RECQL: variants seen among roughly 807,000 people sequenced by gnomAD.
The protein encoded by RECQL is RecQ like helicase.
In RECQL, 73 loss-of-function variants were observed where a neutral mutation model predicts 75.8. That is an observed-to-expected ratio of 0.96 (90% confidence interval 0.80 to 1.17). The LOEUF is 1.17. Among genes scored for constraint, RECQL ranks in the 50% most tolerant of loss-of-function variants. RECQL has a pLI of 0.00. For synonymous variants in RECQL, 248 were observed against 254.4 expected (o/e 0.97, Z 0.24); for missense variants, 699 against 772.1 (o/e 0.91, Z 1.12).
At chr12:21,477,697 A>G (rs1048506314) in intron 7 of RECQL, 106 bp downstream of exon 7, 12 of 855,170 alleles carry the variant, frequency 1.4e-5, no homozygotes, top group Non-Finnish European at 1.9e-5. Flanking sequence ...AATGTTAAAA[A>G]TTTTTGTAAG....
chr12:21,483,603 A>G, intron 5 of RECQL, 29 bp from the exon 6 acceptor site: 2 of 1,481,522 alleles, frequency 1.3e-6, no homozygotes, highest in Non-Finnish European at 1.8e-6. Flanking sequence ...AGACACAATG[A>G]TAGTAAAACT....
chr12:21,470,383 G>A (rs1234609763), intron 14 of RECQL, 37 bp from the exon 15 acceptor site: 12 of 1,500,204 alleles, frequency 8.0e-6, no homozygotes, highest in Non-Finnish European at 1.1e-5. Flanking sequence ...AAGCACCTTG[G>A]TAAAAATCCA....
chr12:21,484,064 C>T (rs1048630060), intron 5 of RECQL, among the ~76,000 whole-genome samples: 1 of 151,756 alleles, frequency 6.6e-6, no homozygotes, highest in African/African-American at 2.4e-5. Context: ...ATATAAAGAC[C>T]ATGGGGTTTC....
intron 8 of RECQL, among the ~76,000 whole-genome samples, chr12:21,476,386 G>A (rs1441013174): frequency 6.6e-6 from 1 of 151,980 alleles, no homozygotes; most frequent in Non-Finnish European, 1.5e-5. Flanking sequence ...CTATAGAACA[G>A]TTTAAAATGC....
chr12:21,470,182 G>T lies in RECQL; in HGVS notation c.*12C>A, dbSNP rs1255289407. ...AAACCATCTTTAATTAGAAAATTTA[G>T]TAACATTCATATCAGGCATCATCGA... On this transcript the variant is annotated 3_prime_UTR_variant, in exon 15 of 15. Coordinates refer to ENST00000444129, the MANE Select transcript of RECQL (RefSeq NM_002907.4). The T allele has an allele frequency of 1.9e-6, 3 of 1,610,072 alleles. No homozygotes were observed. In the South Asian group the frequency reaches 3.3e-5, roughly 18 times the overall value.
At chr12:21,480,255 G>C (rs1943167291) in intron 6 of RECQL, among the ~76,000 whole-genome samples, 1 of 152,172 alleles carries the variant, frequency 6.6e-6, no homozygotes. Context: ...GGTAGTTTAG[G>C]TAGGGAAGTA....
chr12:21,490,358 C>A lies in RECQL; in HGVS notation c.235G>T (p.Val79Phe). Residue 79 changes from valine (V) to phenylalanine (F), a missense_variant, in exon 4 of 15, where the codon GTT (valine) becomes TTT (phenylalanine). Coordinates refer to ENST00000444129, the MANE Select transcript of RECQL (RefSeq NM_002907.4). ...AAGACATTTTGCAGAATATCTTTAA[C>A]TTTACCAGACCATGGAAAATCTAGG... is the stretch of plus-strand genomic sequence containing the variant. ...NKEDFPWSGK[V>F]KDILQNVFKL... is the part of the protein sequence containing the mutation. 1 of 1,609,832 alleles carries A rather than the reference C, an allele frequency of 6.2e-7. No homozygotes were observed. The highest frequency in any genetic ancestry group is 8.5e-7 in the Non-Finnish European group (1 of 1,177,212).
chr12:21,477,548 C>G (rs932481027), intron 7 of RECQL, among the ~76,000 whole-genome samples: 1 of 152,152 alleles, frequency 6.6e-6, no homozygotes, highest in African/African-American at 2.4e-5. Flanking sequence ...AGAAATTTAA[C>G]AAAGATATAT....
intron 13 of RECQL, 74 bp from the exon 14 acceptor site, chr12:21,471,172 C>A: frequency 7.3e-7 from 1 of 1,374,056 alleles, no homozygotes; most frequent in African/African-American, 1.5e-5. Flanking sequence ...AAAGAAATAA[C>A]TATATGCGCA....
chr12:21,477,052 A>C, intron 7 of RECQL, 60 bp from the exon 8 acceptor site: 1 of 1,152,968 alleles, frequency 8.7e-7, no homozygotes, highest in Non-Finnish European at 1.2e-6. Context: ...GTGGCTGTCT[A>C]TGTACAACTT....
At chr12:21,481,287 G>T (rs1172480294) in intron 6 of RECQL, among the ~76,000 whole-genome samples, 1 of 152,108 alleles carries the variant, frequency 6.6e-6, no homozygotes, top group Non-Finnish European at 1.5e-5. Context: ...AGTTCTTTTG[G>T]GGGAATTTAG....
At chr12:21,475,011 T>C in intron 10 of RECQL, 32 bp from the exon 11 acceptor site, 1 of 1,595,596 alleles carries the variant, frequency 6.3e-7, no homozygotes, top group Non-Finnish European at 8.6e-7. Flanking sequence ...GATTGCAGAA[T>C]TACATTTACA....
At chr12:21,486,157 G>C (rs926563865) in intron 5 of RECQL, among the ~76,000 whole-genome samples, 6 of 152,134 alleles carry the variant, frequency 3.9e-5, no homozygotes, top group African/African-American at 1.4e-4. Flanking sequence ...AGCAGCCATA[G>C]ACAACATGTC....
intron 8 of RECQL, 44 bp from the exon 9 acceptor site, chr12:21,475,868 C>T (rs1351842062): frequency 6.6e-7 from 1 of 1,504,186 alleles, no homozygotes; most frequent in South Asian, 1.1e-5. Flanking sequence ...ATGGCATATT[C>T]CTGGAAGATG....
chr12:21,486,243 AT>A (rs1171553956), intron 5 of RECQL, among the ~76,000 whole-genome samples: 1 of 152,184 alleles, frequency 6.6e-6, no homozygotes, highest in Non-Finnish European at 1.5e-5. Flanking sequence ...TAATTTTCCC[AT>A]TTCACAAAAT....
intron 4 of RECQL, among the ~76,000 whole-genome samples, chr12:21,487,200 CTA>C (rs1565571564): frequency 6.6e-6 from 1 of 152,124 alleles, no homozygotes; most frequent in African/African-American, 2.4e-5. Context: ...TAAATAATCA[CTA>C]TTGGTAATTT....
chr12:21,487,691 C>T (rs769103489), intron 4 of RECQL, among the ~76,000 whole-genome samples: 96 of 152,294 alleles, frequency 6.3e-4, no homozygotes, highest in Middle Eastern at 3.4e-3. Context: ...TCTTGGAAAA[C>T]ACCCACTATG....
intron 4 of RECQL, 71 bp from the exon 5 acceptor site, chr12:21,486,656 CGTTTTTTTTTTTTTTTTT>C: frequency 7.6e-5 from 12 of 158,258 alleles, no homozygotes; most frequent in Non-Finnish European, 1.1e-4. Context: ...AAACCATTCA[CGTTTTTTTTTTTTTTTTT>C]TTTTTTTTTT....
chr12:21,470,483 T>C (rs1367429243), intron 14 of RECQL, 137 bp from the exon 15 acceptor site: 4 of 1,025,878 alleles, frequency 3.9e-6, no homozygotes, highest in East Asian at 5.6e-5. Context: ...TAGTTTTTTA[T>C]CTACAAATTT....
Sources: gnomAD v4.1 joint callset for allele counts (sites outside exome capture counted in the v4.1 genomes callset) on GRCh38, gnomAD v4.1.1 for gene constraint, MANE v1.5 for transcripts, NCBI Gene and HGNC (gene_info 2026-07-23, HGNC 2026-07-21) for gene names.